FSTL4: variants seen among roughly 807,000 people sequenced by gnomAD.
The protein encoded by FSTL4 is follistatin-related protein 4.
Under a neutral mutation model 78.2 loss-of-function variants are expected in FSTL4, and 28 were observed. That is an observed-to-expected ratio of 0.36 (90% CI 0.27 to 0.49). The LOEUF (loss-of-function observed/expected upper bound fraction) is 0.49. Ranked by LOEUF, FSTL4 falls within the 20% of genes least tolerant of loss-of-function variation. FSTL4 has a pLI of 0.98. For synonymous variants in FSTL4, 422 were observed against 440.5 expected, an observed-to-expected ratio of 0.96 and a Z score of 0.53; for missense variants, 922 against 1,084.9, an observed-to-expected ratio of 0.85 and a Z score of 2.11.
At chr5:133,357,947 A>G (rs907275305) in intron 4 of FSTL4, among the ~76,000 whole-genome samples, 1 of 152,096 alleles carries the variant, frequency 6.6e-6, no homozygotes, top group Non-Finnish European at 1.5e-5. Context: ...GCTGGTGCCC[A>G]CTCAGGAGGA....
chr5:133,624,528 A>G, the FSTL4 span, among the ~76,000 whole-genome samples: 2 of 151,880 alleles, frequency 1.3e-5, no homozygotes, highest in Non-Finnish European at 2.9e-5. Flanking sequence ...GTTGCGCAAC[A>G]TCGTGAATAT....
chr5:133,504,250 C>T (rs1235897442), intron 3 of FSTL4, among the ~76,000 whole-genome samples: 1 of 152,034 alleles, frequency 6.6e-6, no homozygotes, highest in Non-Finnish European at 1.5e-5. Context: ...GTGCCTCTGT[C>T]CAGGTGAAAA....
intron 6 of FSTL4, among the ~76,000 whole-genome samples, chr5:133,311,727 G>A (rs1480549273): frequency 4.6e-5 from 7 of 152,194 alleles, no homozygotes; most frequent in African/African-American, 1.7e-4. Context: ...TGCCCCTGGG[G>A]GTGGGGTGGG....
At chr5:133,303,345 C>A (rs551223756) in intron 6 of FSTL4, among the ~76,000 whole-genome samples, 2 of 152,346 alleles carry the variant, frequency 1.3e-5, no homozygotes, top group East Asian at 1.9e-4. Flanking sequence ...AGATGGGGCA[C>A]TGGCTTATCT....
intron 4 of FSTL4, among the ~76,000 whole-genome samples, chr5:133,397,151 C>T (rs990633852): frequency 6.6e-6 from 1 of 152,148 alleles, no homozygotes; most frequent in Non-Finnish European, 1.5e-5. Context: ...GAATTCAAAA[C>T]CAAGAAAAAT....
chr5:133,634,332 T>TTGC, the FSTL4 span, among the ~76,000 whole-genome samples: 1 of 152,038 alleles, frequency 6.6e-6, no homozygotes, highest in Non-Finnish European at 1.5e-5. Flanking sequence ...GTTTTCTGTC[T>TTGC]TGCTAGGCTG....
At chr5:133,596,639 C>A (rs559608374) in intron 2 of FSTL4, among the ~76,000 whole-genome samples, 1 of 152,256 alleles carries the variant, frequency 6.6e-6, no homozygotes, top group East Asian at 1.9e-4. Context: ...CTAGACACAA[C>A]ATCAAGCAGG....
intron 6 of FSTL4, among the ~76,000 whole-genome samples, chr5:133,269,308 A>G (rs1752715692): frequency 6.6e-6 from 1 of 152,166 alleles, no homozygotes; most frequent in Non-Finnish European, 1.5e-5. Context: ...TCACAAAAAT[A>G]CCTGTGTGGT....
At chr5:133,819,035 G>A in the FSTL4 span, among the ~76,000 whole-genome samples, 275 of 144,496 alleles carry the variant, frequency 1.9e-3, 3 homozygotes, top group Middle Eastern at 6.9e-3. Flanking sequence ...CTGCCCAGCC[G>A]TCCACCCACA....
At chr5:133,804,899 T>C in the FSTL4 span, among the ~76,000 whole-genome samples, 1 of 135,066 alleles carries the variant, frequency 7.4e-6, no homozygotes, top group East Asian at 2.2e-4. Context: ...AGCCAAATCG[T>C]GCCACTGCAC....
At chr5:133,439,524 G>T (rs1757106443) in intron 3 of FSTL4, among the ~76,000 whole-genome samples, 1 of 152,168 alleles carries the variant, frequency 6.6e-6, no homozygotes, top group Non-Finnish European at 1.5e-5. Context: ...GGAGGACCAG[G>T]TTGCTAGCTA....
At chr5:133,238,069 T>C (rs60740140) in intron 7 of FSTL4, among the ~76,000 whole-genome samples, 4,987 of 152,306 alleles carry the variant, frequency 0.033, 271 homozygotes, top group African/African-American at 0.11. Context: ...GACTTAAGTA[T>C]TAAACAATAG....
chr5:133,506,226 G>C (rs1217967535), intron 3 of FSTL4, among the ~76,000 whole-genome samples: 3 of 152,216 alleles, frequency 2.0e-5, no homozygotes, highest in Non-Finnish European at 1.5e-5. Context: ...TACCTCGTTA[G>C]GAAGTTTTAG....
At chr5:133,549,643 T>C (rs1759654092) in intron 3 of FSTL4, among the ~76,000 whole-genome samples, 1 of 152,164 alleles carries the variant, frequency 6.6e-6, no homozygotes, top group Admixed American at 6.5e-5. Flanking sequence ...TCAAAATTAT[T>C]TGAGGCCAAT....
intron 3 of FSTL4, among the ~76,000 whole-genome samples, chr5:133,516,828 T>C (rs576475101): frequency 3.9e-4 from 59 of 151,996 alleles, no homozygotes; most frequent in Middle Eastern, 3.2e-3. Context: ...TACATGTAAA[T>C]AGGGTGTCAT....
At chr5:133,680,000 G>T in the FSTL4 span, among the ~76,000 whole-genome samples, 1 of 152,180 alleles carries the variant, frequency 6.6e-6, no homozygotes, top group Non-Finnish European at 1.5e-5. Flanking sequence ...ACTCAGAAAA[G>T]TCAAGATGGT....
intron 4 of FSTL4, among the ~76,000 whole-genome samples, chr5:133,379,975 T>G (rs913700473): frequency 1.3e-5 from 2 of 151,954 alleles, no homozygotes; most frequent in African/African-American, 4.8e-5. Flanking sequence ...CTCGGGAGGC[T>G]GAGGCAGGAG....
intron 6 of FSTL4, among the ~76,000 whole-genome samples, chr5:133,297,306 A>G (rs1581600880): frequency 6.6e-6 from 1 of 152,278 alleles, no homozygotes; most frequent in South Asian, 2.1e-4. Flanking sequence ...TCAGGCACAA[A>G]GATGGAATGT....
intron 3 of FSTL4, among the ~76,000 whole-genome samples, chr5:133,525,952 C>T (rs1378661334): frequency 6.6e-6 from 1 of 152,186 alleles, no homozygotes; most frequent in African/African-American, 2.4e-5. Context: ...GCATGTATTA[C>T]ATGCTCAGCA....
Sources: allele counts gnomAD v4.1 joint callset (sites outside exome capture counted in the v4.1 genomes callset), GRCh38; gene constraint gnomAD v4.1.1; transcripts MANE v1.5; gene names NCBI Gene and HGNC (gene_info 2026-07-23, HGNC 2026-07-21).